Variants in WNT9A observed in about 807,000 individuals in gnomAD.
WNT9A encodes the protein Wnt family member 9A, also known as protein Wnt-9a.
A neutral mutation model predicts 31.4 loss-of-function variants in WNT9A; 8 were observed. The observed-to-expected ratio is 0.26, with a 90% CI of 0.15 to 0.46. The LOEUF is 0.46. Among genes scored for constraint, WNT9A ranks in the 20% least tolerant of loss-of-function variants. WNT9A has a pLI of 0.99. For missense variants in WNT9A, 457 were observed against 522.9 expected, an observed-to-expected ratio of 0.87 and a Z score of 1.23; for synonymous variants, 236 against 220.1, an observed-to-expected ratio of 1.07 and a Z score of -0.64.
intron 1 of WNT9A, among the ~76,000 whole-genome samples, chr1:227,941,285 C>T (rs1038518463): frequency 5.3e-5 from 8 of 152,276 alleles, no homozygotes; most frequent in Middle Eastern, 3.4e-3. Context: ...TGGAGAAGAC[C>T]CCACAGGGAC....
chr1:227,947,396 G>A (rs956310778), intron 1 of WNT9A, among the ~76,000 whole-genome samples: 3 of 152,222 alleles, frequency 2.0e-5, no homozygotes, highest in Admixed American at 1.3e-4. Flanking sequence ...CTCGAGAAGA[G>A]AAAGGGGGGG....
rs1666289604 is a variant in WNT9A at position 227,920,325 on chromosome 1, T to C, written c.*1193A>G. 1 of 152,140 alleles carries C rather than the reference T, an allele frequency of 6.6e-6. No homozygotes were observed. Among genetic ancestry groups the C allele is most frequent in the East Asian group, 1.9e-4 (1 of 5,194 alleles). The allele number at this position is 152,140 out of a possible 1,614,324, so 9.4% of individuals were successfully genotyped here. A position where few individuals can be genotyped will look rare whatever the true frequency, so the allele number is the denominator to read the frequency against. ...TAGTGGTTTCAAACAACTAAGCAGA[T>C]CAGAGGCAGGGTTAGGAGGGAATAT... On this transcript the variant is annotated 3_prime_UTR_variant, in exon 4 of 4. Transcript: ENST00000272164.
intron 1 of WNT9A, among the ~76,000 whole-genome samples, chr1:227,932,540 T>C (rs1456994814): frequency 6.6e-6 from 1 of 152,252 alleles, no homozygotes; most frequent in Non-Finnish European, 1.5e-5. Context: ...TTAAGGCATC[T>C]AGAATGGTGA....
chr1:227,925,198 T>C lies in WNT9A; in HGVS notation c.352+65A>G. 1 of 1,446,150 alleles carries C rather than the reference T, an allele frequency of 6.9e-7. No homozygotes were observed. Among genetic ancestry groups the C allele is most frequent in the Non-Finnish European group, 9.1e-7 (1 of 1,099,538 alleles). 89.6% of individuals were successfully genotyped at this position (1,446,150 alleles called of 1,614,324 possible). A position where few individuals can be genotyped will look rare whatever the true frequency, so the allele number is the denominator to read the frequency against. On this transcript the variant is annotated intron_variant, in intron 2 of 3. Coordinates refer to ENST00000272164, the MANE Select transcript of WNT9A (RefSeq NM_003395.4). This position sits in a 1 kb window ranked among gnomAD's most constrained non-coding sequence, Gnocchi z 6.0. ...GCAGCCTAAGAGGGGCCTCTTGGGA[T>C]ATGGACAAGGCCTGGGCTGCCACCT... is the stretch of plus-strand genomic sequence containing the variant.
intron 1 of WNT9A, among the ~76,000 whole-genome samples, chr1:227,939,386 C>T (rs910418760): frequency 5.3e-5 from 8 of 152,172 alleles, no homozygotes; most frequent in South Asian, 2.1e-4. Flanking sequence ...AGTCTGGGGA[C>T]GGCCCCCCGC....
intron 1 of WNT9A, among the ~76,000 whole-genome samples, chr1:227,931,512 T>G (rs2102723251): frequency 6.6e-6 from 1 of 152,198 alleles, no homozygotes; most frequent in African/African-American, 2.4e-5. Flanking sequence ...TCCAGTTTCT[T>G]TTTTCTTTTC....
At chr1:227,934,761 C>A (rs185641277) in intron 1 of WNT9A, among the ~76,000 whole-genome samples, 1 of 152,156 alleles carries the variant, frequency 6.6e-6, no homozygotes, top group East Asian at 1.9e-4. Context: ...CTTCAGGTCA[C>A]GACGCAGAGC....
At position 227,938,087 on chromosome 1, in the gene WNT9A, T is replaced by C. The variant is rs118114266; in HGVS notation, c.95+9706A>G. On this transcript the variant is annotated intron_variant, in intron 1 of 3. Transcript: ENST00000272164. ...GCCTTTACTATGCACCCTCATCCCATGAGACCAAACCAACCTCACACTTTC... is the reference window on the plus strand; with the variant it reads ...GCCTTTACTATGCACCCTCATCCCACGAGACCAAACCAACCTCACACTTTC... Among the ~76,000 whole-genome samples the C allele has an allele frequency of 2.0e-5, 3 of 152,268 alleles. 1 individual carries two copies. Among genetic ancestry groups the C allele is most frequent in the East Asian group, 3.9e-4 (2 of 5,186 alleles).
intron 1 of WNT9A, among the ~76,000 whole-genome samples, chr1:227,939,729 A>G (rs979514320): frequency 6.6e-6 from 1 of 151,900 alleles, no homozygotes; most frequent in African/African-American, 2.4e-5. Flanking sequence ...CAGAGGGAGA[A>G]GAGACTGCAG....
chr1:227,947,641 G>A (rs1666816140), intron 1 of WNT9A, 152 bp downstream of exon 1: 2 of 277,144 alleles, frequency 7.2e-6, no homozygotes, highest in African/African-American at 2.3e-5. Flanking sequence ...ACGGAGCGAC[G>A]CGCGCGCCGC....
Position 227,921,967 on chromosome 1 carries a change from A to T in WNT9A, c.649T>A (p.Cys217Ser), listed in dbSNP as rs1666326108. ...GTGCATGAGCCTGACACGCCGTGGC[A>T]CTTGCAGGTGGTCTCCACCCCAGCC... is the stretch of plus-strand genomic sequence containing the variant. ...IKAGVETTCK[C>S]HGVSGSCTVR... Residue 217 changes from cysteine to serine, a missense_variant, in exon 4 of 4, where the codon TGC (cysteine) becomes AGC (serine). Coordinates refer to ENST00000272164, the MANE Select transcript of WNT9A (RefSeq NM_003395.4). 6.2e-7 allele frequency: 1 copy of T among 1,611,066 alleles called. No homozygotes were observed. Among genetic ancestry groups the T allele is most frequent in the African/African-American group, 1.3e-5 (1 of 74,894 alleles).
chr1:227,929,154 C>T lies in WNT9A; in HGVS notation c.96-3635G>A, dbSNP rs533322723. Among the ~76,000 whole-genome samples the T allele has an allele frequency of 2.0e-5, 3 of 152,328 alleles. No homozygotes were observed. The South Asian group carries it at 6.2e-4, about 32-fold the overall frequency. On this transcript the variant is annotated intron_variant, in intron 1 of 3. Coordinates refer to ENST00000272164, the MANE Select transcript of WNT9A (RefSeq NM_003395.4). ...CTGTGAGCCGACACTCAGCCCCACTCTAAGACATTCTGTGCCTTCCTTCCC... is the reference window on the plus strand; with the variant it reads ...CTGTGAGCCGACACTCAGCCCCACTTTAAGACATTCTGTGCCTTCCTTCCC...
At chr1:227,937,287 T>G (rs1217132453) in intron 1 of WNT9A, among the ~76,000 whole-genome samples, 1 of 152,234 alleles carries the variant, frequency 6.6e-6, no homozygotes, top group Non-Finnish European at 1.5e-5. Context: ...TGCGGCTGTC[T>G]TTTCGAGGCC....
chr1:227,930,427 C>T (rs1329493347), intron 1 of WNT9A, among the ~76,000 whole-genome samples: 1 of 152,188 alleles, frequency 6.6e-6, no homozygotes, highest in Non-Finnish European at 1.5e-5. Context: ...TATCCAGAAT[C>T]CATGGAACTC....
chr1:227,940,219 G>T (rs1405700903), intron 1 of WNT9A, among the ~76,000 whole-genome samples: 1 of 152,186 alleles, frequency 6.6e-6, no homozygotes, highest in Admixed American at 6.5e-5. Context: ...GCCCTTTTCT[G>T]GGGCAGGGTC....
chr1:227,944,322 G>A (rs1222340616), intron 1 of WNT9A, among the ~76,000 whole-genome samples: 3 of 152,210 alleles, frequency 2.0e-5, no homozygotes, highest in Admixed American at 6.5e-5. Flanking sequence ...AGGCAGACCC[G>A]TGGAGAAAGA....
Position 227,947,789 on chromosome 1 carries a change from C to A in WNT9A, c.95+4G>T. On this transcript the variant is annotated splice_donor_region_variant and intron_variant, in intron 1 of 3. Coordinates refer to ENST00000272164, the MANE Select transcript of WNT9A (RefSeq NM_003395.4). Reference sequence around the variant, plus strand: ...AGTGCGCGCCGGCCGCCGAAGGCACCTACCCGAAGTAGGCGGCCGAAGGGC... The same window carrying A: ...AGTGCGCGCCGGCCGCCGAAGGCACATACCCGAAGTAGGCGGCCGAAGGGC... 1 of 1,092,376 alleles carries A rather than the reference C, an allele frequency of 9.2e-7. No homozygotes were observed. Among genetic ancestry groups the A allele is most frequent in the Non-Finnish European group, 1.1e-6 (1 of 899,298 alleles). The allele number at this position is 1,092,376 out of a possible 1,614,324, so 67.7% of individuals were successfully genotyped here. A position where few individuals can be genotyped will look rare whatever the true frequency, so the allele number is the denominator to read the frequency against.
rs150954189 is a variant in WNT9A at position 227,930,831 on chromosome 1, G to A, written c.96-5312C>T. 7.1e-3 allele frequency among the ~76,000 whole-genome samples: 1,084 copies of A among 152,226 alleles called. 4 individuals carry two copies. The highest frequency in any genetic ancestry group is 9.5e-3 in the Non-Finnish European group (647 of 68,002). On this transcript the variant is annotated intron_variant, in intron 1 of 3. Coordinates refer to ENST00000272164, the MANE Select transcript of WNT9A (RefSeq NM_003395.4). ...AGGTCAGGAGTTCGAGACCAGCCTGGCCAACATGGTGAAACCCTGTCTCTA... is the reference window on the plus strand; with the variant it reads ...AGGTCAGGAGTTCGAGACCAGCCTGACCAACATGGTGAAACCCTGTCTCTA...
intron 1 of WNT9A, among the ~76,000 whole-genome samples, chr1:227,932,542 G>C (rs1666530537): frequency 6.6e-6 from 1 of 152,186 alleles, no homozygotes; most frequent in Non-Finnish European, 1.5e-5. Flanking sequence ...AAGGCATCTA[G>C]AATGGTGAAT....
Sources: gnomAD v4.1 joint callset for allele counts (sites outside exome capture counted in the v4.1 genomes callset) on GRCh38, gnomAD v4.1.1 for gene constraint, Gnocchi (gnomAD v3.1) non-coding constraint, MANE v1.5 for transcripts, NCBI Gene and HGNC (gene_info 2026-07-23, HGNC 2026-07-21) for gene names.